PTK7: variants seen among roughly 807,000 people sequenced by gnomAD.
PTK7 encodes inactive tyrosine-protein kinase 7.
PTK7 carries 39 observed loss-of-function variants against 116.6 expected under a neutral mutation model. That is an observed-to-expected ratio of 0.33 (90% CI 0.26 to 0.44). The LOEUF (loss-of-function observed/expected upper bound fraction) is 0.44, where lower values mean the gene tolerates loss of function less well. Ranked by LOEUF, PTK7 falls within the 20% of genes least tolerant of loss-of-function variation. The pLI is 1.00. For synonymous variants in PTK7, 546 were observed against 563.6 expected, an observed-to-expected ratio of 0.97 and a Z score of 0.44; for missense variants, 1,169 against 1,425.6, an observed-to-expected ratio of 0.82 and a Z score of 2.90.
At position 43,101,450 on chromosome 6, in the gene PTK7, G is replaced by A. The variant is rs530880606; in HGVS notation, c.79+24883G>A. Among the ~76,000 whole-genome samples the A allele has an allele frequency of 2.0e-5, 3 of 150,586 alleles. No individual in the cohort carries two copies. The South Asian group carries it at 6.3e-4, about 32-fold the overall frequency. The stretch of plus-strand genomic sequence containing the variant: ...ACCTGTAGTCCTAGCTACTCGGGAA[G>A]CTGAGGCATGAGAATGGCATGAACC... On this transcript the variant is annotated intron_variant, in intron 1 of 19. Coordinates refer to ENST00000230419, the MANE Select transcript of PTK7 (RefSeq NM_002821.5).
intron 5 of PTK7, 90 bp from the exon 6 acceptor site, chr6:43,131,926 C>G: frequency 6.5e-7 from 1 of 1,550,324 alleles, no homozygotes; most frequent in Non-Finnish European, 8.9e-7. Context: ...TACTACATTT[C>G]CGACTTTGCA....
In PTK7 at chr6:43,160,756, G is replaced by T. The variant is rs762586114; in HGVS notation, c.3088G>T (p.Glu1030Ter). ...TGGGAAGGCTAGACTTCCTCAGCCC[G>T]AGGGCTGCCCTTCCAAACTCTATCG... is the stretch of plus-strand genomic sequence containing the variant. ...QAGKARLPQP[E>*]GCPSKLYRLM... The change falls in exon 20 of 20, where the codon GAG (glutamate) becomes TAG (stop). Residue 1030 changes from glutamate to a stop codon, truncating the protein, a stop_gained. Transcript: ENST00000230419. LOFTEE classifies it high-confidence loss of function. The T allele has an allele frequency of 1.2e-6, 2 of 1,614,172 alleles. No homozygotes were observed. Among genetic ancestry groups the T allele is most frequent in the Admixed American group, 1.7e-5 (1 of 60,022 alleles).
chr6:43,134,980 G>GA (rs1228562991), intron 7 of PTK7, among the ~76,000 whole-genome samples: 2 of 151,708 alleles, frequency 1.3e-5, no homozygotes, highest in Non-Finnish European at 2.9e-5. Flanking sequence ...CTGGAGCCTT[G>GA]AAAAAAAGAA....
intron 1 of PTK7, among the ~76,000 whole-genome samples, chr6:43,108,874 C>T (rs1262977369): frequency 6.6e-6 from 1 of 152,206 alleles, no homozygotes; most frequent in Non-Finnish European, 1.5e-5. Flanking sequence ...GTTGTAAAAT[C>T]ATGGTATTCT....
intron 1 of PTK7, among the ~76,000 whole-genome samples, chr6:43,091,704 G>A (rs1766964009): frequency 6.6e-6 from 1 of 152,126 alleles, no homozygotes; most frequent in Non-Finnish European, 1.5e-5. Context: ...GAAAATTACA[G>A]AAATAAACAA....
chr6:43,160,593 C>A, intron 19 of PTK7, 128 bp from the exon 20 acceptor site: 1 of 1,220,290 alleles, frequency 8.2e-7, no homozygotes, highest in Non-Finnish European at 1.2e-6. Flanking sequence ...GGGTACCCAC[C>A]TGCCGCTGGC....
At chr6:43,120,374 G>A (rs1375934384) in intron 1 of PTK7, among the ~76,000 whole-genome samples, 1 of 152,182 alleles carries the variant, frequency 6.6e-6, no homozygotes, top group Non-Finnish European at 1.5e-5. Flanking sequence ...CAAGAGTGAT[G>A]GGGTATCCCA....
rs1165756632 is a variant in PTK7 at position 43,129,936 on chromosome 6, C to T, written c.470+107C>T. ...TACCTCGCTCCATTCTGTGACCACT[C>T]GTTCCACCACCACAGTGCTCTTCAC... On this transcript the variant is annotated intron_variant, in intron 3 of 19. Transcript: ENST00000230419. This position sits in a 1 kb window ranked among gnomAD's most constrained non-coding sequence, Gnocchi z 4.5. The T allele has an allele frequency of 2.0e-5, 22 of 1,100,452 alleles. No homozygotes were observed. Among genetic ancestry groups the T allele is most frequent in the East Asian group, 7.7e-5 (3 of 39,208 alleles). The allele number at this position is 1,100,452 out of a possible 1,614,324, so 68.2% of individuals were successfully genotyped here.
In PTK7 at chr6:43,129,625, A is replaced by G; in HGVS notation, c.368-102A>G. 9.7e-7 allele frequency: 1 copy of G among 1,028,940 alleles called. No individual in the cohort carries two copies. Among genetic ancestry groups the G allele is most frequent in the Non-Finnish European group, 1.5e-6 (1 of 666,508 alleles). The allele number at this position is 1,028,940 out of a possible 1,614,324, so 63.7% of individuals were successfully genotyped here. Reference sequence around the variant, plus strand: ...AGGGCTTCCTTGTGTCTGTTGGCACAGAGCCTCGAGGTTCCACGGCTTCCT... The same window carrying G: ...AGGGCTTCCTTGTGTCTGTTGGCACGGAGCCTCGAGGTTCCACGGCTTCCT... On this transcript the variant is annotated intron_variant, in intron 2 of 19. Coordinates refer to ENST00000230419, the MANE Select transcript of PTK7 (RefSeq NM_002821.5). This position sits in a 1 kb window ranked among gnomAD's most constrained non-coding sequence, Gnocchi z 4.5.
intron 1 of PTK7, among the ~76,000 whole-genome samples, chr6:43,107,825 C>A (rs1219972250): frequency 2.6e-5 from 4 of 152,226 alleles, no homozygotes; most frequent in African/African-American, 9.6e-5. Context: ...GCCGATATTT[C>A]CTGAGCACCT....
In PTK7 at chr6:43,141,665, C is replaced by T; in HGVS notation, c.1619-3C>T. On this transcript the variant is annotated splice_polypyrimidine_tract_variant and splice_region_variant and intron_variant, in intron 10 of 19. Coordinates refer to ENST00000230419, the MANE Select transcript of PTK7 (RefSeq NM_002821.5). The surrounding 1 kb of genome is among the most constrained non-coding windows in gnomAD (Gnocchi z 4.9). ...CCATAATTTCCCTTTGTTACCCCTG[C>T]AGATGGGAGCAGCCTCCCAGAGTGG... 6.2e-7 allele frequency: 1 copy of T among 1,613,672 alleles called. No homozygotes were observed. The highest frequency in any genetic ancestry group is 2.2e-5 in the East Asian group (1 of 44,856).
chr6:43,076,927 C>A lies in PTK7; in HGVS notation c.79+360C>A. On this transcript the variant is annotated intron_variant, in intron 1 of 19. Coordinates refer to ENST00000230419, the MANE Select transcript of PTK7 (RefSeq NM_002821.5). This position sits in a 1 kb window ranked among gnomAD's most constrained non-coding sequence, Gnocchi z 5.7. ...GGGGAGAAAAGACCATCCGCACCCA[C>A]CGTGGGGAGCGCGATGGAGAAAAAG... The A allele has an allele frequency of 6.6e-7, 1 of 1,515,948 alleles. No homozygotes were observed. 93.9% of individuals were successfully genotyped at this position (1,515,948 alleles called of 1,614,324 possible).
chr6:43,083,246 C>G (rs1195891780), intron 1 of PTK7, among the ~76,000 whole-genome samples: 2 of 152,262 alleles, frequency 1.3e-5, no homozygotes, highest in Admixed American at 6.5e-5. Flanking sequence ...TGCCTGGGCA[C>G]TACCCCTGGC....
At chr6:43,150,071 A>G (rs942045739) in intron 17 of PTK7, among the ~76,000 whole-genome samples, 1 of 150,268 alleles carries the variant, frequency 6.7e-6, no homozygotes, top group Non-Finnish European at 1.5e-5. Flanking sequence ...AGAGTAGCTG[A>G]TAAGATGATA....
Position 43,076,757 on chromosome 6 carries a change from A to C in PTK7, c.79+190A>C. 7.2e-7 allele frequency: 1 copy of C among 1,394,270 alleles called. No individual in the cohort carries two copies. Among genetic ancestry groups the C allele is most frequent in the Non-Finnish European group, 9.3e-7 (1 of 1,072,616 alleles). The allele number at this position is 1,394,270 out of a possible 1,614,324, so 86.4% of individuals were successfully genotyped here. ...GTGTCGGGAGGCTGGCGAAGCCTCC[A>C]GGGACGCGGTCAGGGTACCCCTCCC... is the stretch of plus-strand genomic sequence containing the variant. On this transcript the variant is annotated intron_variant, in intron 1 of 19. Transcript: ENST00000230419. This position sits in a 1 kb window ranked among gnomAD's most constrained non-coding sequence, Gnocchi z 5.7.
intron 1 of PTK7, among the ~76,000 whole-genome samples, chr6:43,109,880 A>G (rs1199857612): frequency 6.6e-6 from 1 of 151,812 alleles, no homozygotes; most frequent in Non-Finnish European, 1.5e-5. Flanking sequence ...TTGTATTATT[A>G]GTAGAGACGG....
chr6:43,086,309 T>C (rs140127478), intron 1 of PTK7, among the ~76,000 whole-genome samples: 1 of 152,092 alleles, frequency 6.6e-6, no homozygotes, highest in East Asian at 1.9e-4. Flanking sequence ...TGTGGGGAGG[T>C]TCCTGAGATT....
rs769623531 is a variant in PTK7 at position 43,132,496 on chromosome 6, C to A, written c.1037C>A (p.Pro346His). Residue 346 changes from proline (P) to histidine (H), a missense_variant, in exon 7 of 20, where the codon CCC becomes CAC. Coordinates refer to ENST00000230419, the MANE Select transcript of PTK7 (RefSeq NM_002821.5). ...GAGGAGCGTGTGACCTGCCTTCCCC[C>A]CAAGGGTCTGCCAGAGCCCAGCGTG... Reference protein sequence around the residue: ...GSEERVTCLPPKGLPEPSVWW... With the variant: ...GSEERVTCLPHKGLPEPSVWW... 4 of 1,610,442 alleles carry A rather than the reference C, an allele frequency of 2.5e-6. No homozygotes were observed. Among genetic ancestry groups the A allele is most frequent in the South Asian group, 1.1e-5 (1 of 90,882 alleles).
chr6:43,139,245 A>C lies in PTK7; in HGVS notation c.1472A>C (p.Glu491Ala), dbSNP rs772596018. 6.2e-7 allele frequency: 1 copy of C among 1,614,148 alleles called. No homozygotes were observed. Among genetic ancestry groups the C allele is most frequent in the Non-Finnish European group, 8.5e-7 (1 of 1,180,032 alleles). The change falls in exon 9 of 20, where the codon GAG (glutamate) becomes GCG (alanine). Residue 491 changes from glutamate (E) to alanine (A), a missense_variant. Glu to Ala is a moderately radical substitution (Grantham distance 107). Around this residue, in one of 3 missense-constraint regions of PTK7, gnomAD observed 678 missense variants for 853.8 expected, o/e 0.79. Transcript: ENST00000230419. This position sits in a 1 kb window ranked among gnomAD's most constrained non-coding sequence, Gnocchi z 4.6. ...CMSSTPAGSIEAQARVQVLEK... is the reference protein window; with the variant it reads ...CMSSTPAGSIAAQARVQVLEK... ...AGCAGCACCCCAGCCGGCAGCATCG[A>C]GGCGCAAGCCCGTGTCCAAGTGCTG...
Sources: gnomAD v4.1 joint callset for allele counts (sites outside exome capture counted in the v4.1 genomes callset) on GRCh38, gnomAD v4.1.1 for gene constraint, gnomAD v4.1.1 regional missense constraint, Gnocchi (gnomAD v3.1) non-coding constraint, MANE v1.5 for transcripts, NCBI Gene and HGNC (gene_info 2026-07-23, HGNC 2026-07-21) for gene names.